Variants in PARP1 observed in about 807,000 individuals in gnomAD.
PARP1 encodes the protein poly(ADP-ribose) polymerase 1.
PARP1 carries 44 observed loss-of-function variants against 118.7 expected under a neutral mutation model. The ratio of observed to expected loss-of-function variants is 0.37; its 90% CI spans 0.29 to 0.48. PARP1 has a LOEUF of 0.48. Among genes scored for constraint, PARP1 ranks in the 20% least tolerant of loss-of-function variants. The pLI is 0.99. For synonymous variants in PARP1, 492 were observed against 483.2 expected (o/e 1.02, Z -0.24); for missense variants, 1,100 against 1,272.4 (o/e 0.86, Z 2.06).
At position 226,385,499 on chromosome 1, in the gene PARP1, C is replaced by G. The variant is rs1237568038; in HGVS notation, c.1011+5G>C. ...CAGATCCCAGGATCTTCCCCTACCC[C>G]TTACCTTTGGGGTTACCCACTCCTT... On this transcript the variant is annotated splice_donor_5th_base_variant and intron_variant, in intron 7 of 22. Transcript: ENST00000366794. 6.2e-7 allele frequency: 1 copy of G among 1,613,870 alleles called. No homozygotes were observed. Among genetic ancestry groups the G allele is most frequent in the African/African-American group, 1.3e-5 (1 of 75,032 alleles).
intron 3 of PARP1, among the ~76,000 whole-genome samples, 175 bp downstream of exon 3, chr1:226,392,024 C>T (rs1367169812): frequency 6.6e-6 from 1 of 152,204 alleles, no homozygotes; most frequent in Non-Finnish European, 1.5e-5. Flanking sequence ...GAGGACCAGA[C>T]CTGTCTGGAA....
intron 2 of PARP1, among the ~76,000 whole-genome samples, chr1:226,394,403 G>A (rs1020285963): frequency 3.3e-5 from 5 of 152,102 alleles, no homozygotes; most frequent in Non-Finnish European, 7.4e-5. Flanking sequence ...AGAGAAATGG[G>A]TATATTATAT....
At chr1:226,379,824 C>T (rs1664569070) in intron 10 of PARP1, 98 bp downstream of exon 10, 20 of 1,577,862 alleles carry the variant, frequency 1.3e-5, no homozygotes, top group Non-Finnish European at 1.7e-5. Context: ...ACTCAACAGG[C>T]CATGTCAGGG....
At chr1:226,404,329 T>C (rs1049208688) in intron 1 of PARP1, among the ~76,000 whole-genome samples, 9 of 152,196 alleles carry the variant, frequency 5.9e-5, no homozygotes, top group Non-Finnish European at 1.3e-4. Context: ...AGATCTCAAT[T>C]AGGCTGCTGA....
chr1:226,399,137 G>A (rs1664979570), intron 2 of PARP1, among the ~76,000 whole-genome samples: 2 of 138,680 alleles, frequency 1.4e-5, no homozygotes, highest in Non-Finnish European at 3.0e-5. Context: ...GCAGTGGCAT[G>A]ATCTCGGCTC....
Position 226,407,935 on chromosome 1 carries a change from C to T in PARP1, c.-6G>A. ...TTATCCGAAGACTCCGCCATCCTCC[C>T]CTAGCTGCCGCCAAAGCTCCGGAAG... On this transcript the variant is annotated 5_prime_UTR_variant, in exon 1 of 23. Transcript: ENST00000366794. The T allele has an allele frequency of 6.2e-7, 1 of 1,612,426 alleles. No homozygotes were observed. Among genetic ancestry groups the T allele is most frequent in the Non-Finnish European group, 8.5e-7 (1 of 1,179,092 alleles).
Position 226,363,103 on chromosome 1 carries a change from G to A in PARP1, c.2844C>T (p.Val948=). 1.2e-6 allele frequency: 2 copies of A among 1,612,120 alleles called. No homozygotes were observed. Among genetic ancestry groups the A allele is most frequent in the East Asian group, 4.5e-5 (2 of 44,878 alleles). Residue 948 remains valine, a synonymous_variant, in exon 21 of 23, where the codon GTC becomes GTT. Coordinates refer to ENST00000366794, the MANE Select transcript of PARP1 (RefSeq NM_001618.4). ...ACAGCTTTGGAAACACTTTACCTTT[G>A]ACACTGTGCTTGCCCTTGGGTAACT... The part of the protein sequence containing the change: ...ISKLPKGKHS[V]KGLGKTTPDP...
At chr1:226,402,820 G>A (rs1398919423) in intron 1 of PARP1, among the ~76,000 whole-genome samples, 1 of 152,210 alleles carries the variant, frequency 6.6e-6, no homozygotes, top group African/African-American at 2.4e-5. Context: ...AGGCTTGCCT[G>A]GACTCAAAGG....
chr1:226,399,198 G>A (rs562811156), intron 2 of PARP1, among the ~76,000 whole-genome samples: 101 of 148,342 alleles, frequency 6.8e-4, no homozygotes, highest in African/African-American at 2.4e-3. Flanking sequence ...TCGGCCTCCC[G>A]AGTAGCTGGG....
In PARP1 at chr1:226,374,312, T is replaced by C. The variant is rs1359459471; in HGVS notation, c.1984A>G (p.Lys662Glu). ...VKKLTVNPGT[K>E]SKLPKPVQDL... ...TGAACTGGCTTGGGGAGCTTGGACT[T>C]GGTGCCAGGATTTACTGTCAGCTTC... Residue 662 changes from lysine to glutamate, a missense_variant, in exon 14 of 23, where the codon AAG (lysine) becomes GAG (glutamate). Transcript: ENST00000366794. The C allele has an allele frequency of 6.2e-7, 1 of 1,614,082 alleles. No homozygotes were observed. Among genetic ancestry groups the C allele is most frequent in the Non-Finnish European group, 8.5e-7 (1 of 1,180,018 alleles).
At chr1:226,375,997 A>T (rs1488161193) in intron 13 of PARP1, among the ~76,000 whole-genome samples, 3 of 152,182 alleles carry the variant, frequency 2.0e-5, no homozygotes, top group African/African-American at 7.2e-5. Flanking sequence ...TTTCTCAAAA[A>T]TTTTTAAAGT....
intron 9 of PARP1, among the ~76,000 whole-genome samples, chr1:226,380,864 AG>A (rs1193223751): frequency 1.3e-5 from 2 of 152,214 alleles, no homozygotes. Flanking sequence ...TCTTTAGTTG[AG>A]AACACGCAAT....
At chr1:226,362,613 C>G (rs1402974012) in intron 21 of PARP1, among the ~76,000 whole-genome samples, 1 of 152,202 alleles carries the variant, frequency 6.6e-6, no homozygotes, top group Non-Finnish European at 1.5e-5. Context: ...CCACTTCAAC[C>G]AGGCAGTGGA....
At chr1:226,381,245 C>A in intron 8 of PARP1, 37 bp from the exon 9 acceptor site, 1 of 1,613,904 alleles carries the variant, frequency 6.2e-7, no homozygotes, top group Non-Finnish European at 8.5e-7. Flanking sequence ...GCAAGGCCAG[C>A]TCTGGTGCTG....
At chr1:226,380,902 C>T (rs886637232) in intron 9 of PARP1, among the ~76,000 whole-genome samples, 166 bp downstream of exon 9, 1 of 152,172 alleles carries the variant, frequency 6.6e-6, no homozygotes, top group African/African-American at 2.4e-5. Context: ...TACAAAGCAG[C>T]AACACTGAGA....
chr1:226,379,104 A>G (rs1443726965), intron 12 of PARP1, 38 bp downstream of exon 12: 5 of 1,613,360 alleles, frequency 3.1e-6, no homozygotes, highest in Middle Eastern at 1.7e-4. Flanking sequence ...GGACGGGCCC[A>G]TGTCTCTGCA....
At position 226,366,182 on chromosome 1, in the gene PARP1, C is replaced by A. The variant is rs147703838; in HGVS notation, c.2407-130G>T. The A allele has an allele frequency of 1.1e-3, 754 of 714,754 alleles. 5 individuals carry two copies. The African/African-American group carries it at 0.012, about 11-fold the overall frequency. The allele number at this position is 714,754 out of a possible 1,614,324, so 44.3% of individuals were successfully genotyped here. ...AAGGAAGCCGGGCATGACCGAGAGC[C>A]TGTGTCCCAGGCCTGTGGGCTGGGC... On this transcript the variant is annotated intron_variant, in intron 17 of 22. Coordinates refer to ENST00000366794, the MANE Select transcript of PARP1 (RefSeq NM_001618.4).
chr1:226,402,781 T>TG (rs1665063184), intron 1 of PARP1, among the ~76,000 whole-genome samples: 1 of 152,254 alleles, frequency 6.6e-6, no homozygotes, highest in Non-Finnish European at 1.5e-5. Context: ...TCCTGCAGCA[T>TG]CTGCTGGGAA....
At chr1:226,374,417 C>T in intron 13 of PARP1, 63 bp from the exon 14 acceptor site, 1 of 1,601,280 alleles carries the variant, frequency 6.2e-7, no homozygotes, top group Middle Eastern at 1.7e-4. Flanking sequence ...GTATCTGCGT[C>T]TGTGGGGCTG....
Sources: gnomAD v4.1 joint callset for allele counts (sites outside exome capture counted in the v4.1 genomes callset) on GRCh38, gnomAD v4.1.1 for gene constraint, MANE v1.5 for transcripts, NCBI Gene and HGNC (gene_info 2026-07-23, HGNC 2026-07-21) for gene names.